ARHGEF16: variants seen among roughly 807,000 people sequenced by gnomAD.
The protein encoded by ARHGEF16 is Rho guanine exchange factor (GEF) 16.
In ARHGEF16, 59 loss-of-function variants were observed where a neutral mutation model predicts 74.1. The ratio of observed to expected loss-of-function variants is 0.80; its 90% CI spans 0.65 to 0.99. The LOEUF (loss-of-function observed/expected upper bound fraction) is 0.99, where lower values mean the gene tolerates loss of function less well. Ranked by LOEUF, ARHGEF16 falls within the 50% of genes least tolerant of loss-of-function variation. ARHGEF16 has a pLI of 0.00. For synonymous variants in ARHGEF16, 415 were observed against 412.6 expected (o/e 1.01, Z -0.07); for missense variants, 948 against 986.6 (o/e 0.96, Z 0.52).
intron 6 of ARHGEF16, 76 bp from the exon 7 acceptor site, chr1:3,473,002 A>T: frequency 6.7e-7 from 1 of 1,501,082 alleles, no homozygotes; most frequent in South Asian, 1.3e-5. Context: ...GTGCATGCAG[A>T]TGCATGTCTG....
chr1:3,463,565 C>T lies in ARHGEF16; in HGVS notation c.481C>T (p.Leu161=). Residue 161 remains leucine (L), a synonymous_variant, in exon 2 of 15, where the codon CTG becomes TTG. Coordinates refer to ENST00000378378, the MANE Select transcript of ARHGEF16 (RefSeq NM_014448.4). ...ATCCTACCGGGCGGCCATGAAGGGC[C>T]TGGGGAAGCCAGGTGGCCAGGGAGA... ...NQSYRAAMKG[L]GKPGGQGDAI... is the part of the protein sequence containing the mutation. 6.9e-7 allele frequency: 1 copy of T among 1,452,460 alleles called. No homozygotes were observed. The highest frequency in any genetic ancestry group is 9.1e-7 in the Non-Finnish European group (1 of 1,099,046). The allele number at this position is 1,452,460 out of a possible 1,614,324, so 90.0% of individuals were successfully genotyped here. A position where few individuals can be genotyped will look rare whatever the true frequency, so the allele number is the denominator to read the frequency against.
At chr1:3,465,130 C>T (rs1259249644) in intron 2 of ARHGEF16, among the ~76,000 whole-genome samples, 7 of 152,254 alleles carry the variant, frequency 4.6e-5, no homozygotes, top group Non-Finnish European at 8.8e-5. Context: ...GCCCATGGGG[C>T]TCCGTTCATT....
rs1188773537 is a variant in ARHGEF16 at position 3,460,747 on chromosome 1, C to T, written c.-19-2319C>T. Among the ~76,000 whole-genome samples, 7 of 152,220 alleles carry T rather than the reference C, an allele frequency of 4.6e-5. No individual in the cohort carries two copies. In the East Asian group the frequency reaches 7.7e-4, roughly 17 times the overall value. ...TGGTCAGTGTCATGGACACCAGCCC[C>T]GGGGGAGGCCTGTTGTGTCTGCCGC... On this transcript the variant is annotated intron_variant, in intron 1 of 14. Transcript: ENST00000378378.
At chr1:3,460,385 G>T (rs1313033678) in intron 1 of ARHGEF16, among the ~76,000 whole-genome samples, 3 of 152,208 alleles carry the variant, frequency 2.0e-5, no homozygotes, top group Non-Finnish European at 1.5e-5. Context: ...AAGGAGGAAG[G>T]CCTCTATGAG....
intron 6 of ARHGEF16, among the ~76,000 whole-genome samples, chr1:3,472,279 T>TGGCCGTGGCCGCCCATGGG (rs1274206604): frequency 1.3e-5 from 2 of 152,224 alleles, no homozygotes; most frequent in Non-Finnish European, 2.9e-5. Context: ...CCAGCCTTGG[T>TGGCCGTGGCCGCCCATGGG]GGCCGTGGCC....
At chr1:3,478,161 C>A in intron 11 of ARHGEF16, 135 bp downstream of exon 11, 1 of 1,280,690 alleles carries the variant, frequency 7.8e-7, no homozygotes, top group Non-Finnish European at 1.1e-6. Context: ...CCACTCGGCA[C>A]ATGCTCTACG....
At chr1:3,464,449 G>T (rs778514133) in intron 2 of ARHGEF16, among the ~76,000 whole-genome samples, 1 of 152,316 alleles carries the variant, frequency 6.6e-6, no homozygotes, top group South Asian at 2.1e-4. Context: ...TGGCCACCCT[G>T]CTTGGTCTCT....
rs201783318 is a variant in ARHGEF16 at position 3,477,859 on chromosome 1, G to A, written c.1474-16G>A. ...TCCCTCGCACTGATCTCCGCCTCCC[G>A]GCTCTGTCCCCCCAGTCCCTCCCAC... On this transcript the variant is annotated splice_polypyrimidine_tract_variant and intron_variant, in intron 10 of 14. Transcript: ENST00000378378. 23 of 1,602,042 alleles carry A rather than the reference G, an allele frequency of 1.4e-5. No homozygotes were observed. Among genetic ancestry groups the A allele is most frequent in the Middle Eastern group, 3.4e-4 (2 of 5,918 alleles).
rs1346688480 is a variant in ARHGEF16, at chr1:3,479,931, G to A, written c.1990+18G>A. 2 of 1,609,954 alleles carry A rather than the reference G, an allele frequency of 1.2e-6. No individual in the cohort carries two copies. Among genetic ancestry groups the A allele is most frequent in the African/African-American group, 2.7e-5 (2 of 74,870 alleles). Reference sequence around the variant, plus strand: ...GGAGGATGGTGAGTGCAGGGGCGTTGGGCACAGATGGGTGGGAACGGACAG... The same window carrying A: ...GGAGGATGGTGAGTGCAGGGGCGTTAGGCACAGATGGGTGGGAACGGACAG... On this transcript the variant is annotated intron_variant, in intron 14 of 14. Transcript: ENST00000378378.
chr1:3,465,486 G>A (rs926390069), intron 2 of ARHGEF16, among the ~76,000 whole-genome samples: 13 of 152,284 alleles, frequency 8.5e-5, no homozygotes, highest in South Asian at 8.3e-4. Flanking sequence ...TGCGGGGCAC[G>A]GGGCTGAGGG....
intron 11 of ARHGEF16, 43 bp from the exon 12 acceptor site, chr1:3,478,381 G>T: frequency 1.9e-6 from 3 of 1,548,428 alleles, no homozygotes; most frequent in South Asian, 1.2e-5. Context: ...CACTGGGTAG[G>T]AGCTGGGTGG....
At position 3,463,269 on chromosome 1, in the gene ARHGEF16, C is replaced by T; in HGVS notation, c.185C>T (p.Pro62Leu). The change falls in exon 2 of 15, where the codon CCC (proline) becomes CTC (leucine). Residue 62 changes from proline to leucine, a missense_variant. Pro to Leu is a moderately conservative substitution (Grantham distance 98, BLOSUM62 -3). Coordinates refer to ENST00000378378, the MANE Select transcript of ARHGEF16 (RefSeq NM_014448.4). The part of the protein sequence containing the change: ...PQVPAPPQPR[P>L]PGHEEPWPIV... ...GTCCCGGCACCCCCACAGCCTCGGC[C>T]CCCGGGGCACGAGGAGCCATGGCCC... 1 of 1,549,800 alleles carries T rather than the reference C, an allele frequency of 6.5e-7. No individual in the cohort carries two copies. Among genetic ancestry groups the T allele is most frequent in the Non-Finnish European group, 8.7e-7 (1 of 1,146,668 alleles).
rs754462030 is a variant in ARHGEF16, at chr1:3,477,830, C to T, written c.1474-45C>T. 2.5e-6 allele frequency: 4 copies of T among 1,601,770 alleles called. No homozygotes were observed. The South Asian group carries it at 3.3e-5, about 13-fold the overall frequency. On this transcript the variant is annotated intron_variant, in intron 10 of 14. Transcript: ENST00000378378. Reference sequence around the variant, plus strand: ...CCTGCTCACCCCGGCTCTGTCCCCCCCAGTCCCTCGCACTGATCTCCGCCT... The same window carrying T: ...CCTGCTCACCCCGGCTCTGTCCCCCTCAGTCCCTCGCACTGATCTCCGCCT...
intron 14 of ARHGEF16, 83 bp downstream of exon 14, chr1:3,479,996 CATGCCGGG>C: frequency 7.2e-7 from 1 of 1,381,474 alleles, no homozygotes. Flanking sequence ...AGGTCCAGAG[CATGCCGGG>C]CTGCAGGCTG....
chr1:3,472,438 TG>T, intron 6 of ARHGEF16, among the ~76,000 whole-genome samples: 1 of 146,178 alleles, frequency 6.8e-6, no homozygotes, highest in Admixed American at 6.8e-5. Context: ...AGCCCACAGC[TG>T]GCCCCCCCCC....
At chr1:3,478,109 T>TC in intron 11 of ARHGEF16, 83 bp downstream of exon 11, 1 of 1,585,928 alleles carries the variant, frequency 6.3e-7, no homozygotes, top group African/African-American at 1.4e-5. Context: ...GTACAGGGAG[T>TC]TGGCCCTGAG....
chr1:3,465,732 G>T (rs1639524443), intron 2 of ARHGEF16, among the ~76,000 whole-genome samples: 1 of 152,166 alleles, frequency 6.6e-6, no homozygotes, highest in African/African-American at 2.4e-5. Context: ...GCCTCCTGCT[G>T]GGGCCCCCAG....
rs555683427 is a variant in ARHGEF16 at position 3,470,897 on chromosome 1, C to A, written c.1022+1304C>A. 4.5e-5 allele frequency among the ~76,000 whole-genome samples: 5 copies of A among 110,874 alleles called. No homozygotes were observed. The East Asian group carries it at 1.4e-3, about 31-fold the overall frequency. 72.7% of individuals were successfully genotyped at this position (110,874 alleles called of 152,430 possible). On this transcript the variant is annotated intron_variant, in intron 6 of 14. Coordinates refer to ENST00000378378, the MANE Select transcript of ARHGEF16 (RefSeq NM_014448.4). ...GGGTGTATGTGCGTGGGTGTGTGTG[C>A]CTGGCCAGGGGTATGTGTGTGGGCA...
intron 2 of ARHGEF16, among the ~76,000 whole-genome samples, chr1:3,464,789 G>A (rs1325873431): frequency 2.6e-5 from 4 of 152,180 alleles, no homozygotes; most frequent in Non-Finnish European, 5.9e-5. Flanking sequence ...CAGTGTCCAC[G>A]GAAGGTGTGT....
Sources: allele counts gnomAD v4.1 joint callset (sites outside exome capture counted in the v4.1 genomes callset), GRCh38; gene constraint gnomAD v4.1.1; transcripts MANE v1.5; gene names NCBI Gene and HGNC (gene_info 2026-07-23, HGNC 2026-07-21).